The following ANKRD13C variants were observed in gnomAD, a reference collection of about 807,000 sequenced individuals.
The protein encoded by ANKRD13C is ankyrin repeat domain 13C.
Under a neutral mutation model 65.5 loss-of-function variants are expected in ANKRD13C, and 16 were observed. The observed-to-expected ratio is 0.24, with a 90% CI of 0.17 to 0.37. The LOEUF (loss-of-function observed/expected upper bound fraction) is 0.37. ANKRD13C is among the 10% of genes least tolerant of loss of function. ANKRD13C has a pLI of 1.00. For synonymous variants in ANKRD13C, 235 were observed against 238.7 expected (o/e 0.98, Z 0.14); for missense variants, 503 against 655.9 (o/e 0.77, Z 2.55).
chr1:70,270,520 G>C (rs1678832319), intron 12 of ANKRD13C, among the ~76,000 whole-genome samples: 1 of 152,184 alleles, frequency 6.6e-6, no homozygotes, highest in South Asian at 2.1e-4. Context: ...GGGGACTGGG[G>C]AGGGCTTTGG....
intron 1 of ANKRD13C, among the ~76,000 whole-genome samples, chr1:70,343,321 G>C (rs1682390379): frequency 6.6e-6 from 1 of 152,114 alleles, no homozygotes; most frequent in East Asian, 1.9e-4. Context: ...CAACATCCTA[G>C]TTACTTCCAT....
chr1:70,290,999 G>A (rs1487094600), intron 9 of ANKRD13C, among the ~76,000 whole-genome samples: 1 of 151,930 alleles, frequency 6.6e-6, no homozygotes, highest in Non-Finnish European at 1.5e-5. Context: ...GAAAAACAGT[G>A]CTATACAAAT....
chr1:70,305,618 A>G (rs1680554553), intron 6 of ANKRD13C: 1 of 152,166 alleles, frequency 6.6e-6, no homozygotes, highest in Non-Finnish European at 1.5e-5. Flanking sequence ...AAATATGGCT[A>G]TATTATTATA....
chr1:70,294,418 T>C (rs1380181363), intron 8 of ANKRD13C, among the ~76,000 whole-genome samples: 1 of 152,200 alleles, frequency 6.6e-6, no homozygotes, highest in East Asian at 1.9e-4. Context: ...CCAGTCTAGA[T>C]GTTGCTGTGA....
chr1:70,263,061 T>A (rs1221566764), intron 12 of ANKRD13C, among the ~76,000 whole-genome samples: 1 of 151,844 alleles, frequency 6.6e-6, no homozygotes, highest in African/African-American at 2.4e-5. Context: ...CATTCAGGCA[T>A]CCAGCATTAT....
rs574903719 is a variant in ANKRD13C, at chr1:70,336,845, G to A, written c.431-746C>T. Among the ~76,000 whole-genome samples, 10 of 152,248 alleles carry A rather than the reference G, an allele frequency of 6.6e-5. No individual in the cohort carries two copies. The South Asian group carries it at 2.1e-3, about 32-fold the overall frequency. On this transcript the variant is annotated intron_variant, in intron 1 of 12. Transcript: ENST00000370944. Reference sequence around the variant, plus strand: ...CAAAAGACAAAGACTTGAAAGCTGTGCTATGAAGTTTGGACTACATCCTAT... The same window carrying A: ...CAAAAGACAAAGACTTGAAAGCTGTACTATGAAGTTTGGACTACATCCTAT...
At chr1:70,315,254 T>G (rs1331998820) in intron 4 of ANKRD13C, among the ~76,000 whole-genome samples, 3 of 152,038 alleles carry the variant, frequency 2.0e-5, no homozygotes, top group Non-Finnish European at 4.4e-5. Flanking sequence ...TCTTTAGAGC[T>G]CTTATCTAAT....
chr1:70,317,745 T>C (rs1345650705), intron 3 of ANKRD13C, among the ~76,000 whole-genome samples: 1 of 152,216 alleles, frequency 6.6e-6, no homozygotes, highest in Non-Finnish European at 1.5e-5. Flanking sequence ...TGTTTTCTAC[T>C]ATAAGCTCAA....
At chr1:70,307,367 T>G (rs145516003) in intron 5 of ANKRD13C, among the ~76,000 whole-genome samples, 1 of 151,942 alleles carries the variant, frequency 6.6e-6, no homozygotes, top group East Asian at 1.9e-4. Flanking sequence ...CGAAACCCCA[T>G]CTCTATCAAA....
chr1:70,283,977 A>G (rs1207482857), intron 9 of ANKRD13C, among the ~76,000 whole-genome samples: 2 of 152,196 alleles, frequency 1.3e-5, no homozygotes, highest in Admixed American at 6.5e-5. Context: ...TAAAAATACA[A>G]GAACAAGTAC....
In ANKRD13C at chr1:70,353,957, GAGAGGGGCT is replaced by G. The variant is rs973635232; in HGVS notation, c.430+13_430+21del. 1 of 1,500,262 alleles carries G rather than the reference GAGAGGGGCT, an allele frequency of 6.7e-7. No homozygotes were observed. The highest frequency in any genetic ancestry group is 1.4e-5 in the African/African-American group (1 of 71,526). 92.9% of individuals were successfully genotyped at this position (1,500,262 alleles called of 1,614,324 possible). A position where few individuals can be genotyped will look rare whatever the true frequency, so the allele number is the denominator to read the frequency against. Reference sequence around the variant, plus strand: ...CTAGGCTCGGGGAAGGAGAGAGGTGGAGAGGGGCTAGCACTCCTCACCGTGATTATCTTT... The same window carrying G: ...CTAGGCTCGGGGAAGGAGAGAGGTGGAGCACTCCTCACCGTGATTATCTTT... On this transcript the variant is annotated intron_variant, in intron 1 of 12. Coordinates refer to ENST00000370944, the MANE Select transcript of ANKRD13C (RefSeq NM_030816.5).
rs1227756571 is a variant in ANKRD13C, at chr1:70,259,167, C to T, written c.*3550G>A. Among the ~76,000 whole-genome samples the T allele has an allele frequency of 6.6e-6, 1 of 152,112 alleles. No homozygotes were observed. Among genetic ancestry groups the T allele is most frequent in the Non-Finnish European group, 1.5e-5 (1 of 68,012 alleles). On this transcript the variant is annotated 3_prime_UTR_variant, in exon 13 of 13. Transcript: ENST00000370944. The stretch of plus-strand genomic sequence containing the variant: ...TGACACACAACTGTATTTAGAACAT[C>T]CCAATTACTGTCATCCTTCTTTAGT...
chr1:70,318,976 C>T (rs1390394959), intron 3 of ANKRD13C, among the ~76,000 whole-genome samples: 6 of 152,134 alleles, frequency 3.9e-5, no homozygotes, highest in African/African-American at 9.7e-5. Context: ...CCACCACGCC[C>T]GGCTAAACCT....
intron 6 of ANKRD13C, among the ~76,000 whole-genome samples, chr1:70,302,063 G>T (rs570642387): frequency 1.3e-5 from 2 of 152,302 alleles, no homozygotes; most frequent in Non-Finnish European, 2.9e-5. Flanking sequence ...AAGGCAAAGT[G>T]AGTTGGTATT....
chr1:70,263,655 A>C (rs183692472), intron 12 of ANKRD13C, among the ~76,000 whole-genome samples: 11 of 152,300 alleles, frequency 7.2e-5, no homozygotes. Context: ...AATTCCCTTA[A>C]AACTCTGAAA....
rs1280879322 is a variant in ANKRD13C, at chr1:70,276,754, A to C, written c.1295+11T>G. On this transcript the variant is annotated intron_variant, in intron 10 of 12. Transcript: ENST00000370944. The stretch of plus-strand genomic sequence containing the variant: ...AAAACCAAATAACACATAAACAAGA[A>C]AAAAACTTACTTTCCATTTTCAGCA... The C allele has an allele frequency of 6.3e-7, 1 of 1,579,764 alleles. No homozygotes were observed. The highest frequency in any genetic ancestry group is 1.9e-5 in the Admixed American group (1 of 53,004).
intron 1 of ANKRD13C, among the ~76,000 whole-genome samples, chr1:70,347,563 GA>G (rs1463219003): frequency 4.6e-5 from 7 of 152,148 alleles, no homozygotes; most frequent in Non-Finnish European, 1.5e-5. Flanking sequence ...GCCCAGTGCA[GA>G]AAAGGGGAGA....
intron 9 of ANKRD13C, among the ~76,000 whole-genome samples, chr1:70,283,799 G>A (rs1394112551): frequency 6.6e-6 from 1 of 151,908 alleles, no homozygotes. Flanking sequence ...CAGAGCAAGA[G>A]CGAGACTCCA....
chr1:70,311,165 AC>A (rs1376851854), intron 5 of ANKRD13C, among the ~76,000 whole-genome samples: 2 of 152,196 alleles, frequency 1.3e-5, no homozygotes, highest in Admixed American at 1.3e-4. Context: ...AAGTATTTCC[AC>A]CTGAAATATG....
Sources: gnomAD v4.1 joint callset for allele counts (sites outside exome capture counted in the v4.1 genomes callset) on GRCh38, gnomAD v4.1.1 for gene constraint, MANE v1.5 for transcripts, NCBI Gene and HGNC (gene_info 2026-07-23, HGNC 2026-07-21) for gene names.